TENM1: variants seen among roughly 807,000 people sequenced by gnomAD.
TENM1 encodes the protein teneurin transmembrane protein 1, also known as teneurin-1.
In TENM1, 35 loss-of-function variants were observed where a neutral mutation model predicts 174.8. The observed-to-expected ratio is 0.20, with a 90% CI of 0.15 to 0.27. The LOEUF (loss-of-function observed/expected upper bound fraction) is 0.27. Among genes scored for constraint, TENM1 ranks in the 10% least tolerant of loss-of-function variants. The pLI is 1.00. For missense variants in TENM1, 1,633 were observed against 2,130.1 expected (o/e 0.77, Z 4.59); for synonymous variants, 781 against 798.7 (o/e 0.98, Z 0.37).
chrX:124,719,805 C>T (rs1324895005), intron 4 of TENM1, among the ~76,000 whole-genome samples: 2 of 112,096 alleles, frequency 1.8e-5, no homozygotes, highest in Non-Finnish European at 3.8e-5. Context: ...TAATATTAAA[C>T]CTGGACTTAT....
the TENM1 span, among the ~76,000 whole-genome samples, chrX:125,170,006 T>C: frequency 1.8e-5 from 2 of 111,663 alleles, no homozygotes; most frequent in African/African-American, 6.5e-5. Context: ...TTTCATGCTA[T>C]TAATGTTGGG....
chrX:124,998,491 C>T, the TENM1 span, among the ~76,000 whole-genome samples: 12 of 104,660 alleles, frequency 1.1e-4, no homozygotes, highest in Non-Finnish European at 2.3e-4. Flanking sequence ...AAAAAAAAAA[C>T]AATGATAATA....
At chrX:125,060,694 G>C in the TENM1 span, among the ~76,000 whole-genome samples, 1 of 110,008 alleles carries the variant, frequency 9.1e-6, no homozygotes, top group African/African-American at 3.3e-5. Flanking sequence ...TCTGCTTTGT[G>C]GTTCTCTAAA....
chrX:124,991,806 A>G, the TENM1 span, among the ~76,000 whole-genome samples: 1 of 111,243 alleles, frequency 9.0e-6, no homozygotes, highest in East Asian at 2.9e-4. Context: ...TATAAAGGGT[A>G]TAAGTGACTC....
At chrX:124,592,434 G>GT (rs751493445) in intron 11 of TENM1, among the ~76,000 whole-genome samples, 2,655 of 85,401 alleles carry the variant, frequency 0.031, 73 homozygotes, top group East Asian at 0.048. Context: ...AATATTATTG[G>GT]TTTTTTTTTT....
intron 5 of TENM1, among the ~76,000 whole-genome samples, chrX:124,677,037 A>G (rs1216240803): frequency 9.0e-6 from 1 of 111,028 alleles, no homozygotes; most frequent in African/African-American, 3.3e-5. Flanking sequence ...AAGAAAAAAT[A>G]TAAAAGATCA....
At chrX:124,791,602 G>A (rs1471258955) in intron 3 of TENM1, among the ~76,000 whole-genome samples, 32 of 111,405 alleles carry the variant, frequency 2.9e-4, no homozygotes, top group Non-Finnish European at 5.5e-4. Context: ...TGGATCTCAT[G>A]TCAAAGAAAA....
At chrX:124,948,335 C>T (rs990465443) in intron 1 of TENM1, among the ~76,000 whole-genome samples, 1 of 111,743 alleles carries the variant, frequency 8.9e-6, no homozygotes, top group Admixed American at 9.5e-5. Context: ...TTAGAGGGAG[C>T]ACAAGATCTA....
At chrX:124,545,913 A>G (rs1252971854) in intron 15 of TENM1, among the ~76,000 whole-genome samples, 1 of 112,328 alleles carries the variant, frequency 8.9e-6, no homozygotes, top group Non-Finnish European at 1.9e-5. Flanking sequence ...TTTCAATAAC[A>G]GTTCTAGTAT....
the TENM1 span, among the ~76,000 whole-genome samples, chrX:125,115,857 T>C: frequency 2.7e-5 from 3 of 110,557 alleles, no homozygotes; most frequent in Admixed American, 9.6e-5. Context: ...CAAGCTACCA[T>C]TGACTTTCTT....
chrX:124,997,511 TA>T, the TENM1 span, among the ~76,000 whole-genome samples: 1 of 111,534 alleles, frequency 9.0e-6, no homozygotes, highest in Non-Finnish European at 1.9e-5. Flanking sequence ...CAGATGTACA[TA>T]GTGATTTGGC....
At chrX:124,990,720 C>T in the TENM1 span, among the ~76,000 whole-genome samples, 2 of 112,274 alleles carry the variant, frequency 1.8e-5, no homozygotes, top group Non-Finnish European at 3.8e-5. Flanking sequence ...TTAACATACT[C>T]TCAGTAATTA....
intron 3 of TENM1, among the ~76,000 whole-genome samples, chrX:124,800,006 G>A (rs1026653213): frequency 1.8e-5 from 2 of 111,816 alleles, no homozygotes; most frequent in Non-Finnish European, 3.8e-5. Flanking sequence ...CAGTTTGCTG[G>A]TATTTTATTG....
chrX:125,033,539 AG>A, the TENM1 span, among the ~76,000 whole-genome samples: 2 of 111,808 alleles, frequency 1.8e-5, no homozygotes, highest in Non-Finnish European at 3.8e-5. Context: ...TGAAGTTGAG[AG>A]TAGAAAAAGC....
chrX:124,820,084 C>A (rs1302647029), intron 3 of TENM1, among the ~76,000 whole-genome samples: 1 of 110,880 alleles, frequency 9.0e-6, no homozygotes, highest in Non-Finnish European at 1.9e-5. Flanking sequence ...GTGAGCTGCC[C>A]CGCCTGGCTC....
At chrX:124,452,883 G>A (rs77893912) in intron 23 of TENM1, among the ~76,000 whole-genome samples, 2 of 75,504 alleles carry the variant, frequency 2.6e-5, no homozygotes, top group Admixed American at 3.5e-4. Flanking sequence ...AGGGGGGAGG[G>A]ATAACTTTAG....
At chrX:124,862,262 T>G (rs1376782651) in intron 3 of TENM1, among the ~76,000 whole-genome samples, 1 of 111,559 alleles carries the variant, frequency 9.0e-6, no homozygotes, top group African/African-American at 3.3e-5. Context: ...GGCACCAACT[T>G]AACAGCTATC....
chrX:124,621,120 T>C (rs1209561945), intron 11 of TENM1, among the ~76,000 whole-genome samples: 2 of 112,152 alleles, frequency 1.8e-5, no homozygotes, highest in African/African-American at 6.5e-5. Context: ...TAGAAGTGTT[T>C]TGGATTTTGT....
At chrX:124,779,654 T>A (rs1418847697) in intron 3 of TENM1, among the ~76,000 whole-genome samples, 4 of 111,613 alleles carry the variant, frequency 3.6e-5, no homozygotes, top group Non-Finnish European at 7.5e-5. Context: ...TTAAAACTGT[T>A]ATATGCAGAG....
Sources: allele counts gnomAD v4.1 joint callset (sites outside exome capture counted in the v4.1 genomes callset), GRCh38; gene constraint gnomAD v4.1.1; transcripts MANE v1.5; gene names NCBI Gene and HGNC (gene_info 2026-07-23, HGNC 2026-07-21).